HP1BP3: variants seen among roughly 807,000 people sequenced by gnomAD.
HP1BP3 encodes heterochromatin protein 1 binding protein 3.
Under a neutral mutation model 62.5 loss-of-function variants are expected in HP1BP3, and 12 were observed. The ratio of observed to expected loss-of-function variants is 0.19; its 90% confidence interval spans 0.12 to 0.31. HP1BP3 has a LOEUF of 0.31. Ranked by LOEUF, HP1BP3 falls within the 10% of genes least tolerant of loss-of-function variation. The pLI, the probability that HP1BP3 is intolerant of heterozygous loss-of-function variation, is 1.00. For missense variants in HP1BP3, 502 were observed against 651.8 expected, an observed-to-expected ratio of 0.77 and a Z score of 2.50; for synonymous variants, 260 against 237.8, an observed-to-expected ratio of 1.09 and a Z score of -0.86.
intron 12 of HP1BP3, among the ~76,000 whole-genome samples, chr1:20,745,296 G>A (rs760618212): frequency 4.6e-5 from 7 of 152,124 alleles, no homozygotes; most frequent in Admixed American, 2.0e-4. Flanking sequence ...ATTTCATGAC[G>A]TTGTTCCTAG....
intron 1 of HP1BP3, among the ~76,000 whole-genome samples, chr1:20,784,363 C>T (rs2154541785): frequency 6.6e-6 from 1 of 152,256 alleles, no homozygotes; most frequent in African/African-American, 2.4e-5. Flanking sequence ...TCTTATCTAC[C>T]TGGTTCATTT....
In HP1BP3 at chr1:20,740,536, T is replaced by C. The variant is rs1160548024; in HGVS notation, c.*4261A>G. Among the ~76,000 whole-genome samples, 1 of 152,172 alleles carries C rather than the reference T, an allele frequency of 6.6e-6. No individual in the cohort carries two copies. The highest frequency in any genetic ancestry group is 1.9e-4 in the East Asian group (1 of 5,190). On this transcript the variant is annotated 3_prime_UTR_variant, in exon 13 of 13. Coordinates refer to ENST00000438032, the MANE Select transcript of HP1BP3 (RefSeq NM_001372052.1). The stretch of plus-strand genomic sequence containing the variant: ...TTGTGGAAAAGAACAGAAGAAAGAA[T>C]AGGGCCAGGTATGGCGACTCACGCC...
intron 12 of HP1BP3, 132 bp downstream of exon 12, chr1:20,745,411 A>C (rs1049500640): frequency 1.1e-5 from 13 of 1,168,836 alleles, no homozygotes; most frequent in Admixed American, 9.4e-5. Flanking sequence ...ATCAATCCAA[A>C]TTTATATAAA....
chr1:20,762,334 A>G (rs2056530230), intron 8 of HP1BP3, among the ~76,000 whole-genome samples: 2 of 152,182 alleles, frequency 1.3e-5, no homozygotes. Flanking sequence ...TCATGACAAT[A>G]TGTTTCAAAA....
intron 8 of HP1BP3, among the ~76,000 whole-genome samples, chr1:20,757,485 C>T (rs112569952): frequency 1.2e-3 from 180 of 151,860 alleles, no homozygotes; most frequent in African/African-American, 4.3e-3. Context: ...AATTCTCCTG[C>T]CTCAGCCTCC....
At chr1:20,784,332 C>T (rs2057715402) in intron 1 of HP1BP3, among the ~76,000 whole-genome samples, 1 of 152,132 alleles carries the variant, frequency 6.6e-6, no homozygotes, top group Admixed American at 6.6e-5. Flanking sequence ...TTGAGGCTGC[C>T]ACACTTGTTC....
chr1:20,748,926 G>A (rs939562224), intron 10 of HP1BP3, among the ~76,000 whole-genome samples: 1 of 152,172 alleles, frequency 6.6e-6, no homozygotes, highest in Admixed American at 6.5e-5. Context: ...CGATAATGCT[G>A]ATAAGGCAGG....
At position 20,744,828 on chromosome 1, in the gene HP1BP3, G is replaced by T. The variant is rs2154539398; in HGVS notation, c.1631C>A (p.Thr544Asn). The T allele has an allele frequency of 6.2e-7, 1 of 1,611,780 alleles. No homozygotes were observed. Among genetic ancestry groups the T allele is most frequent in the Middle Eastern group, 1.8e-4 (1 of 5,656 alleles). ...EVKLPGKGKS[T>N]MKKSFRVKK is the part of the protein sequence containing the mutation. ...TTTCACTCTGAAAGACTTCTTCATG[G>T]TGGATTTGCCCTTGCCCGGCAATTT... Residue 544 changes from threonine to asparagine, a missense_variant, in exon 13 of 13, where the codon ACC (threonine) becomes AAC (asparagine). Around this residue, in one of 5 missense-constraint regions of HP1BP3, gnomAD observed 194 missense variants for 207.0 expected, o/e 0.94. Transcript: ENST00000438032.
At chr1:20,771,112 A>G in intron 5 of HP1BP3, 39 bp from the exon 6 acceptor site, 1 of 1,477,778 alleles carries the variant, frequency 6.8e-7, no homozygotes, top group Non-Finnish European at 9.2e-7. Context: ...TTTTTTTATT[A>G]GATAGAGCCT....
In HP1BP3 at chr1:20,767,614, T is replaced by C; in HGVS notation, c.705A>G (p.Arg235=). The C allele has an allele frequency of 6.2e-7, 1 of 1,611,590 alleles. No homozygotes were observed. The highest frequency in any genetic ancestry group is 8.5e-7 in the Non-Finnish European group (1 of 1,178,922). ...SGSFVVVQKS[R]KTPQKSRNRK... ...TGTTTCTGGATTTCTGAGGTGTTTT[T>C]CTTGATTTCTGAACCACAACAAAAC... The change falls in exon 7 of 13, where the codon AGA becomes AGG. Residue 235 remains arginine (R), a synonymous_variant. Transcript: ENST00000438032.
chr1:20,781,873 G>A (rs981079102), intron 1 of HP1BP3, among the ~76,000 whole-genome samples: 1 of 152,146 alleles, frequency 6.6e-6, no homozygotes. Context: ...TGATCTGCCC[G>A]CCTCAGCCTC....
At chr1:20,779,997 G>T in intron 2 of HP1BP3, 86 bp from the exon 3 acceptor site, 1 of 987,824 alleles carries the variant, frequency 1.0e-6, no homozygotes, top group Non-Finnish European at 1.5e-6. Context: ...GGTGTCAGAT[G>T]TAGGAGAATT....
chr1:20,742,580 CATT>C lies in HP1BP3; in HGVS notation c.*2214_*2216del, dbSNP rs1017382768. The C allele has an allele frequency of 3.9e-5, 6 of 152,550 alleles. No homozygotes were observed. The highest frequency in any genetic ancestry group is 7.4e-5 in the Non-Finnish European group (5 of 68,022). The allele number at this position is 152,550 out of a possible 1,614,324, so 9.4% of individuals were successfully genotyped here. A position where few individuals can be genotyped will look rare whatever the true frequency, so the allele number is the denominator to read the frequency against. ...ATTTAAAAAGGAAAATGATGGTGTT[CATT>C]TCAAGGAGTAGAAAAGACTTAAAGT... On this transcript the variant is annotated 3_prime_UTR_variant, in exon 13 of 13. Coordinates refer to ENST00000438032, the MANE Select transcript of HP1BP3 (RefSeq NM_001372052.1).
intron 6 of HP1BP3, among the ~76,000 whole-genome samples, chr1:20,768,363 G>A (rs1044188617): frequency 3.9e-5 from 6 of 151,992 alleles, no homozygotes; most frequent in African/African-American, 2.4e-5. Flanking sequence ...GGAGAATGGC[G>A]TGAACCCAGG....
rs1003712691 is a variant in HP1BP3, at chr1:20,743,551, C to G, written c.*1246G>C. The G allele has an allele frequency of 4.6e-5, 7 of 151,956 alleles. No individual in the cohort carries two copies. The highest frequency in any genetic ancestry group is 1.3e-4 in the Admixed American group (2 of 15,232). 9.4% of individuals were successfully genotyped at this position (151,956 alleles called of 1,614,324 possible). On this transcript the variant is annotated 3_prime_UTR_variant, in exon 13 of 13. Transcript: ENST00000438032. ...GGTCGTGTGCGCCTGTAGGACCCAA[C>G]TCAGGAGGCTGAGGTGGGAGAATCG...
chr1:20,784,493 T>TC (rs1259178807), intron 1 of HP1BP3, among the ~76,000 whole-genome samples: 8 of 150,520 alleles, frequency 5.3e-5, no homozygotes, highest in African/African-American at 1.5e-4. Context: ...TTTTTTTTTT[T>TC]TTTGAGACCG....
chr1:20,745,548 C>T lies in HP1BP3; in HGVS notation c.1362G>A (p.Lys454=). 2 of 1,614,096 alleles carry T rather than the reference C, an allele frequency of 1.2e-6. No homozygotes were observed. The highest frequency in any genetic ancestry group is 1.7e-6 in the Non-Finnish European group (2 of 1,179,966). Residue 454 remains lysine, a synonymous_variant, in exon 12 of 13, where the codon AAG becomes AAA. Transcript: ENST00000438032. ...GGGTTTTCACATGTCCACACCTTCT[C>T]TTAGGTGGCGGCTCTTCATCCTCAG... ...EDSEDEEPPP[K]RRLQKKTPAK...
chr1:20,785,053 G>A (rs1348957610), intron 1 of HP1BP3, among the ~76,000 whole-genome samples: 1 of 152,166 alleles, frequency 6.6e-6, no homozygotes, highest in Non-Finnish European at 1.5e-5. Context: ...CACCTGAGTA[G>A]CTGGGACTTC....
At chr1:20,753,945 G>A (rs2055934452) in intron 9 of HP1BP3, among the ~76,000 whole-genome samples, 1 of 152,184 alleles carries the variant, frequency 6.6e-6, no homozygotes, top group Non-Finnish European at 1.5e-5. Context: ...TCTCCAGGAT[G>A]TGGAACAAGG....
Sources: allele counts gnomAD v4.1 joint callset (sites outside exome capture counted in the v4.1 genomes callset), GRCh38; gene constraint gnomAD v4.1.1; regional missense constraint gnomAD v4.1.1; transcripts MANE v1.5; gene names NCBI Gene and HGNC (gene_info 2026-07-23, HGNC 2026-07-21).